SLC2A13: variants seen among roughly 807,000 people sequenced by gnomAD.
The protein encoded by SLC2A13 is solute carrier family 2 member 13.
Under a neutral mutation model 64.4 loss-of-function variants are expected in SLC2A13, and 32 were observed. That is an observed-to-expected ratio of 0.50 (90% CI 0.37 to 0.67). SLC2A13 has a LOEUF of 0.67. Among genes scored for constraint, SLC2A13 ranks in the 30% least tolerant of loss-of-function variants. The pLI, the probability that SLC2A13 is intolerant of heterozygous loss-of-function variation, is 0.00. For missense variants in SLC2A13, 743 were observed against 829.2 expected, an observed-to-expected ratio of 0.90 and a Z score of 1.28; for synonymous variants, 338 against 327.1, an observed-to-expected ratio of 1.03 and a Z score of -0.36.
intron 1 of SLC2A13, among the ~76,000 whole-genome samples, chr12:40,070,588 T>C (rs921889460): frequency 1.3e-5 from 2 of 152,058 alleles, no homozygotes; most frequent in Non-Finnish European, 2.9e-5. Context: ...AAGGAAAAAA[T>C]CAACTTTACA....
intron 7 of SLC2A13, among the ~76,000 whole-genome samples, chr12:39,806,181 T>C (rs924934919): frequency 6.6e-6 from 1 of 152,190 alleles, no homozygotes; most frequent in African/African-American, 2.4e-5. Context: ...AAAAAATCGA[T>C]GACAAGTTTA....
intron 4 of SLC2A13, among the ~76,000 whole-genome samples, chr12:39,936,698 T>C (rs1945923802): frequency 6.6e-6 from 1 of 152,022 alleles, no homozygotes; most frequent in African/African-American, 2.4e-5. Context: ...GCTGATTGGA[T>C]TTGGATGTGT....
chr12:39,995,783 T>C (rs938670136), intron 3 of SLC2A13, among the ~76,000 whole-genome samples: 1 of 152,186 alleles, frequency 6.6e-6, no homozygotes, highest in South Asian at 2.1e-4. Context: ...GTTCTCGTGA[T>C]AGTGAGTAAG....
At chr12:39,788,270 T>G (rs1397965932) in intron 7 of SLC2A13, among the ~76,000 whole-genome samples, 4 of 152,086 alleles carry the variant, frequency 2.6e-5, no homozygotes, top group Non-Finnish European at 4.4e-5. Context: ...TAACTAATAA[T>G]AAAATAAAAA....
intron 3 of SLC2A13, among the ~76,000 whole-genome samples, chr12:39,978,575 A>G (rs1299058379): frequency 6.6e-6 from 1 of 152,260 alleles, no homozygotes; most frequent in East Asian, 1.9e-4. Context: ...TGCACCTGGA[A>G]AATCGGGTCA....
intron 7 of SLC2A13, among the ~76,000 whole-genome samples, chr12:39,827,402 T>C (rs1384618529): frequency 6.6e-6 from 1 of 152,196 alleles, no homozygotes; most frequent in Non-Finnish European, 1.5e-5. Context: ...TTTCAGAACC[T>C]GGATAGTGCT....
chr12:39,824,083 C>T (rs1472077384), intron 7 of SLC2A13, among the ~76,000 whole-genome samples: 3 of 151,850 alleles, frequency 2.0e-5, no homozygotes, highest in African/African-American at 7.3e-5. Context: ...ATATAAAACA[C>T]CAAAGGTTTA....
At chr12:40,050,427 A>G (rs960053262) in intron 1 of SLC2A13, among the ~76,000 whole-genome samples, 1 of 152,198 alleles carries the variant, frequency 6.6e-6, no homozygotes, top group Non-Finnish European at 1.5e-5. Flanking sequence ...TAAAACAAAC[A>G]CCAGAGCTTT....
At chr12:39,826,854 A>ATTTTTTTTT (rs63699664) in intron 7 of SLC2A13, among the ~76,000 whole-genome samples, 1,365 of 67,298 alleles carry the variant, frequency 0.02, 164 homozygotes, top group African/African-American at 0.081. Context: ...GTCTCTTTCA[A>ATTTTTTTTT]TTTTTTTTTT....
intron 4 of SLC2A13, among the ~76,000 whole-genome samples, chr12:39,874,415 A>C (rs1393842257): frequency 2.6e-5 from 4 of 152,128 alleles, no homozygotes; most frequent in Non-Finnish European, 5.9e-5. Flanking sequence ...GGAGTTCAAA[A>C]CCAGCCTGGC....
At position 40,089,891 on chromosome 12, in the gene SLC2A13, G is replaced by A. The variant is rs960376402; in HGVS notation, c.556+15362C>T. Among the ~76,000 whole-genome samples, 3 of 152,182 alleles carry A rather than the reference G, an allele frequency of 2.0e-5. No individual in the cohort carries two copies. The East Asian group carries it at 5.8e-4, about 29-fold the overall frequency. On this transcript the variant is annotated intron_variant, in intron 1 of 9. Transcript: ENST00000280871. ...AGCTTGCTCTGGGCTCCCTGGATTT[G>A]ACAAGCACAGAGCTGAAGGACTGAG...
intron 5 of SLC2A13, among the ~76,000 whole-genome samples, chr12:39,868,642 C>T (rs1943966775): frequency 6.6e-6 from 1 of 152,108 alleles, no homozygotes; most frequent in African/African-American, 2.4e-5. Flanking sequence ...TACCAAAATA[C>T]ATGAGGGGGG....
intron 6 of SLC2A13, among the ~76,000 whole-genome samples, chr12:39,845,492 C>T (rs1416074594): frequency 6.6e-6 from 1 of 152,088 alleles, no homozygotes; most frequent in Non-Finnish European, 1.5e-5. Flanking sequence ...CTTTCCTTCT[C>T]AGTTCTTGCA....
At chr12:39,965,087 A>T (rs1281292429) in intron 3 of SLC2A13, among the ~76,000 whole-genome samples, 1 of 152,250 alleles carries the variant, frequency 6.6e-6, no homozygotes, top group Non-Finnish European at 1.5e-5. Flanking sequence ...CCAATTAAAT[A>T]CAACTTAAAT....
intron 4 of SLC2A13, among the ~76,000 whole-genome samples, chr12:39,885,240 AAC>A (rs1944439963): frequency 6.6e-6 from 1 of 152,166 alleles, no homozygotes; most frequent in Admixed American, 6.5e-5. Context: ...GATTGAGGAA[AAC>A]ACAGACTAAC....
chr12:39,934,997 GACTA>G (rs1325109447), intron 4 of SLC2A13, among the ~76,000 whole-genome samples: 1 of 152,176 alleles, frequency 6.6e-6, no homozygotes, highest in Non-Finnish European at 1.5e-5. Flanking sequence ...GAACAGAACT[GACTA>G]ACTTAGATTT....
chr12:39,979,738 G>A, intron 3 of SLC2A13, among the ~76,000 whole-genome samples: 1 of 101,202 alleles, frequency 9.9e-6, no homozygotes, highest in African/African-American at 4.0e-5. Flanking sequence ...AACCAAGTTG[G>A]AAAACACTCT....
chr12:39,904,732 G>T (rs1384656821), intron 4 of SLC2A13, among the ~76,000 whole-genome samples: 1 of 152,116 alleles, frequency 6.6e-6, no homozygotes, highest in Non-Finnish European at 1.5e-5. Context: ...TAGACTACAA[G>T]CCACAGGGGA....
chr12:39,920,803 C>T (rs998181570), intron 4 of SLC2A13, among the ~76,000 whole-genome samples: 4 of 152,096 alleles, frequency 2.6e-5, no homozygotes. Flanking sequence ...GATGCATGCA[C>T]ATACCCACAC....
Sources: gnomAD v4.1 joint callset for allele counts (sites outside exome capture counted in the v4.1 genomes callset) on GRCh38, gnomAD v4.1.1 for gene constraint, MANE v1.5 for transcripts, NCBI Gene and HGNC (gene_info 2026-07-23, HGNC 2026-07-21) for gene names.